The following SBK1 variants were observed in gnomAD, a reference collection of about 807,000 sequenced individuals.
The protein encoded by SBK1 is serine/threonine-protein kinase SBK1.
In SBK1, 11 loss-of-function variants were observed where a neutral mutation model predicts 24.4. The ratio of observed to expected loss-of-function variants is 0.45; its 90% CI spans 0.28 to 0.75. The LOEUF (loss-of-function observed/expected upper bound fraction) is 0.75. Ranked by LOEUF, SBK1 falls within the 30% of genes least tolerant of loss-of-function variation. The pLI is 0.12. For missense variants in SBK1, 467 were observed against 620.5 expected (o/e 0.75, Z 2.63); for synonymous variants, 308 against 284.4 (o/e 1.08, Z -0.83).
Position 28,317,382 on chromosome 16 carries a change from C to T in SBK1, c.-7-3C>T. 2.5e-6 allele frequency: 4 copies of T among 1,610,894 alleles called. No homozygotes were observed. Among genetic ancestry groups the T allele is most frequent in the Non-Finnish European group, 3.4e-6 (4 of 1,177,400 alleles). ...CTTCATGCTCACCACCCCTACCCAA[C>T]AGGGAGAAGATGAGCGTGGGCTGCC... On this transcript the variant is annotated splice_polypyrimidine_tract_variant and splice_region_variant and intron_variant, in intron 1 of 3. Coordinates refer to ENST00000341901, the MANE Select transcript of SBK1 (RefSeq NM_001024401.3). This position sits in a 1 kb window ranked among gnomAD's most constrained non-coding sequence, Gnocchi z 4.2.
At chr16:28,315,909 G>T (rs2044791947) in intron 1 of SBK1, among the ~76,000 whole-genome samples, 2 of 152,066 alleles carry the variant, frequency 1.3e-5, no homozygotes, top group African/African-American at 4.8e-5. Context: ...GGGATTACAG[G>T]CGTGCATCAC....
chr16:28,269,633 C>T (rs747964245), intron 1 of SBK1, among the ~76,000 whole-genome samples: 14 of 150,962 alleles, frequency 9.3e-5, no homozygotes, highest in South Asian at 2.1e-4. Flanking sequence ...TTTGGGAGGC[C>T]GAGGCAGCAG....
chr16:28,273,529 T>C (rs563275455), intron 1 of SBK1, among the ~76,000 whole-genome samples: 1 of 152,072 alleles, frequency 6.6e-6, no homozygotes, highest in Non-Finnish European at 1.5e-5. Context: ...CGGCCATAGG[T>C]TGTCTTTTCA....
At chr16:28,274,455 G>T (rs1253263733) in intron 1 of SBK1, among the ~76,000 whole-genome samples, 1 of 152,108 alleles carries the variant, frequency 6.6e-6, no homozygotes, top group Non-Finnish European at 1.5e-5. Context: ...TCCAAGACCA[G>T]CCTGGCCAAC....
rs773188583 is a variant in SBK1 at position 28,317,405 on chromosome 16, G to T, written c.14G>T (p.Cys5Phe). The T allele has an allele frequency of 5.0e-6, 8 of 1,613,688 alleles. No individual in the cohort carries two copies. In the African/African-American group the frequency reaches 5.3e-5, roughly 11 times the overall value. ...AACAGGGAGAAGATGAGCGTGGGCT[G>T]CCCAGAGCCTGAGCCGCCCCGCTCC... Reference protein sequence around the residue: MSVGCPEPEPPRSLT... With the variant: MSVGFPEPEPPRSLT... The change falls in exon 2 of 4, where the codon TGC (cysteine) becomes TTC (phenylalanine). Residue 5 changes from cysteine to phenylalanine, a missense_variant. This residue lies in a region of SBK1 where 123 missense variants were observed against 158.2 expected (regional missense o/e 0.78). Coordinates refer to ENST00000341901, the MANE Select transcript of SBK1 (RefSeq NM_001024401.3). This position sits in a 1 kb window ranked among gnomAD's most constrained non-coding sequence, Gnocchi z 4.2.
At position 28,322,944 on chromosome 16, in the gene SBK1, C is replaced by G. The variant is rs2044867149; in HGVS notation, c.*2023C>G. 1 of 90,844 alleles carries G rather than the reference C, an allele frequency of 1.1e-5. No homozygotes were observed. The highest frequency in any genetic ancestry group is 4.1e-5 in the African/African-American group (1 of 24,674). The allele number at this position is 90,844 out of a possible 1,614,324, so 5.6% of individuals were successfully genotyped here. ...GCTCTCTCTCTCCCTCTCTCTCTCT[C>G]TCTCTCTCTCTCTCTCTCTCTCTCT... On this transcript the variant is annotated 3_prime_UTR_variant, in exon 4 of 4. Coordinates refer to ENST00000341901, the MANE Select transcript of SBK1 (RefSeq NM_001024401.3).
intron 1 of SBK1, among the ~76,000 whole-genome samples, chr16:28,262,088 C>T (rs2044401299): frequency 1.3e-5 from 2 of 152,204 alleles, no homozygotes; most frequent in African/African-American, 4.8e-5. Context: ...TGTGTCCGCC[C>T]AGGCTGCAGG....
chr16:28,293,392 T>C, intron 1 of SBK1, 92 bp downstream of exon 1: 3 of 594,794 alleles, frequency 5.0e-6, no homozygotes, highest in Non-Finnish European at 6.3e-6. Context: ...GGTTGCGCGC[T>C]CCCCCTTCCC....
At chr16:28,282,300 G>A (rs1347895965) in intron 1 of SBK1, among the ~76,000 whole-genome samples, 1 of 152,118 alleles carries the variant, frequency 6.6e-6, no homozygotes, top group African/African-American at 2.4e-5. Context: ...AGGAAGAGGT[G>A]TCTGAGCTGC....
At chr16:28,267,453 C>G (rs2044436445) in intron 1 of SBK1, among the ~76,000 whole-genome samples, 1 of 152,238 alleles carries the variant, frequency 6.6e-6, no homozygotes, top group Non-Finnish European at 1.5e-5. Context: ...CTCCCCTTCT[C>G]AAGCTTCTTA....
rs963497532 is a variant in SBK1, at chr16:28,314,015, C to T, written c.-7-3370C>T. 4.7e-5 allele frequency among the ~76,000 whole-genome samples: 6 copies of T among 128,908 alleles called. No individual in the cohort carries two copies. In the Admixed American group the frequency reaches 5.1e-4, roughly 11 times the overall value. 84.6% of individuals were successfully genotyped at this position (128,908 alleles called of 152,430 possible). A position where few individuals can be genotyped will look rare whatever the true frequency, so the allele number is the denominator to read the frequency against. ...AAGCCGGTGATGATGACGAGAACAA[C>T]ACAGCAAGCCTGGGCACCTATGGAG... On this transcript the variant is annotated intron_variant, in intron 1 of 3. Coordinates refer to ENST00000341901, the MANE Select transcript of SBK1 (RefSeq NM_001024401.3).
chr16:28,261,105 G>C (rs1317794181), intron 1 of SBK1, among the ~76,000 whole-genome samples: 2 of 152,142 alleles, frequency 1.3e-5, no homozygotes, highest in Non-Finnish European at 2.9e-5. Context: ...ACTGGAGCAA[G>C]CAATGGGGAA....
chr16:28,259,417 G>A lies in SBK1; in HGVS notation c.172G>A (p.Gly58Arg), dbSNP rs887872396. The A allele has an allele frequency of 3.4e-5, 34 of 985,570 alleles. No individual in the cohort carries two copies. The highest frequency in any genetic ancestry group is 2.3e-4 in the East Asian group (2 of 8,840). 61.1% of individuals were successfully genotyped at this position (985,570 alleles called of 1,614,324 possible). A position where few individuals can be genotyped will look rare whatever the true frequency, so the allele number is the denominator to read the frequency against. ...GCCTCCGGCCTGGCCCATGGGCTGC[G>A]GAGTCGATGATGTGCCGGCCTTCTG... The change falls in exon 1 of 4, where the codon GGA becomes AGA. Residue 58 changes from glycine (G) to arginine (R), a missense_variant. Gly to Arg is a moderately radical substitution (Grantham distance 125). Transcript: ENST00000671413. The surrounding 1 kb of genome is among the most constrained non-coding windows in gnomAD (Gnocchi z 6.0).
upstream of SBK1, chr16:28,290,768 C>T (rs2044593591): frequency 6.6e-6 from 1 of 152,120 alleles, no homozygotes; most frequent in African/African-American, 2.4e-5. Flanking sequence ...TAGACAGAGG[C>T]AGGAGGCCGA....
Position 28,320,644 on chromosome 16 carries a change from C to G in SBK1, c.998C>G (p.Pro333Arg). The G allele has an allele frequency of 1.7e-6, 2 of 1,160,450 alleles. No homozygotes were observed. The highest frequency in any genetic ancestry group is 2.1e-6 in the Non-Finnish European group (2 of 942,394). The allele number at this position is 1,160,450 out of a possible 1,614,324, so 71.9% of individuals were successfully genotyped here. The change falls in exon 4 of 4, where the codon CCC becomes CGC. Residue 333 changes from proline (P) to arginine (R), a missense_variant. By Grantham distance (103) the Pro-to-Arg change is moderately radical. Transcript: ENST00000341901. The surrounding 1 kb of genome is among the most constrained non-coding windows in gnomAD (Gnocchi z 8.5). Reference protein sequence around the residue: ...RRPSHRARKPPGDRPPAAGPL... With the variant: ...RRPSHRARKPRGDRPPAAGPL... ...CCCTCGCACCGCGCGCGCAAGCCCC[C>G]CGGGGACCGCCCGCCCGCCGCCGGG...
At chr16:28,281,512 G>A (rs1203711725) in intron 1 of SBK1, among the ~76,000 whole-genome samples, 1 of 152,164 alleles carries the variant, frequency 6.6e-6, no homozygotes, top group Non-Finnish European at 1.5e-5. Context: ...GATGGAATCG[G>A]GATAAAATGG....
chr16:28,283,590 A>G (rs1201281934), intron 1 of SBK1, among the ~76,000 whole-genome samples: 1 of 152,112 alleles, frequency 6.6e-6, no homozygotes, highest in Non-Finnish European at 1.5e-5. Flanking sequence ...GGTGTTATAC[A>G]CTGATCAGTG....
At position 28,317,322 on chromosome 16, in the gene SBK1, G is replaced by A. The variant is rs2141590905; in HGVS notation, c.-7-63G>A. 7.7e-7 allele frequency: 1 copy of A among 1,293,224 alleles called. No individual in the cohort carries two copies. The highest frequency in any genetic ancestry group is 1.2e-5 in the South Asian group (1 of 82,340). The allele number at this position is 1,293,224 out of a possible 1,614,324, so 80.1% of individuals were successfully genotyped here. On this transcript the variant is annotated intron_variant, in intron 1 of 3. Coordinates refer to ENST00000341901, the MANE Select transcript of SBK1 (RefSeq NM_001024401.3). The surrounding 1 kb of genome is among the most constrained non-coding windows in gnomAD (Gnocchi z 4.2). ...TTTTCTGGGTTCTGGGGAGGGCAGA[G>A]GGGCTGGAGGAGGGGACCCTTGCCT...
In SBK1 at chr16:28,323,475, G is replaced by A. The variant is rs1247520306; in HGVS notation, c.*2554G>A. 6.5e-6 allele frequency: 1 copy of A among 152,864 alleles called. No individual in the cohort carries two copies. The highest frequency in any genetic ancestry group is 1.5e-5 in the Non-Finnish European group (1 of 68,176). 9.5% of individuals were successfully genotyped at this position (152,864 alleles called of 1,614,324 possible). On this transcript the variant is annotated 3_prime_UTR_variant, in exon 4 of 4. Transcript: ENST00000341901. ...CCCCTGTCCTTCGGTGCTTCCCAGA[G>A]ACCCCTCTGAGCTGGCCTGTGGGGC...
Sources: allele counts gnomAD v4.1 joint callset (sites outside exome capture counted in the v4.1 genomes callset), GRCh38; gene constraint gnomAD v4.1.1; regional missense constraint gnomAD v4.1.1; non-coding constraint Gnocchi (gnomAD v3.1); transcripts MANE v1.5; gene names NCBI Gene and HGNC (gene_info 2026-07-23, HGNC 2026-07-21).